TRIM9: variants seen among roughly 807,000 people sequenced by gnomAD.
TRIM9 encodes the protein E3 ubiquitin-protein ligase TRIM9.
TRIM9 carries 26 observed loss-of-function variants against 78.3 expected under a neutral mutation model. The ratio of observed to expected loss-of-function variants is 0.33; its 90% CI spans 0.24 to 0.46. TRIM9 has a LOEUF of 0.46. Ranked by LOEUF, TRIM9 falls within the 20% of genes least tolerant of loss-of-function variation. TRIM9 has a pLI of 1.00. For missense variants in TRIM9, 787 were observed against 1,036.4 expected, an observed-to-expected ratio of 0.76 and a Z score of 3.30; for synonymous variants, 398 against 416.5, an observed-to-expected ratio of 0.96 and a Z score of 0.54.
intron 1 of TRIM9, among the ~76,000 whole-genome samples, chr14:51,055,568 A>G (rs535620400): frequency 6.6e-6 from 1 of 152,360 alleles, no homozygotes; most frequent in Admixed American, 6.5e-5. Flanking sequence ...ATGGTTAGAG[A>G]GAAACAAGTT....
At chr14:51,068,923 T>C (rs2061977701) in intron 1 of TRIM9, among the ~76,000 whole-genome samples, 1 of 152,178 alleles carries the variant, frequency 6.6e-6, no homozygotes, top group Non-Finnish European at 1.5e-5. Context: ...TGGGATGGAA[T>C]GAGGTTGACA....
At chr14:50,996,722 T>G (rs1262469588) in intron 7 of TRIM9, 1 of 985,310 alleles carries the variant, frequency 1.0e-6, no homozygotes, top group Non-Finnish European at 1.2e-6. Flanking sequence ...CTCAAACTGA[T>G]AGGTCATCCC....
intron 4 of TRIM9, among the ~76,000 whole-genome samples, chr14:51,009,511 T>C (rs575425422): frequency 1.2e-4 from 18 of 152,362 alleles, no homozygotes; most frequent in African/African-American, 3.8e-4. Flanking sequence ...TCATGCTATT[T>C]ATGACAGATT....
At chr14:51,025,240 C>G (rs1277755840) in intron 2 of TRIM9, 25 bp downstream of exon 2, 1 of 1,609,022 alleles carries the variant, frequency 6.2e-7, no homozygotes, top group Admixed American at 1.7e-5. Context: ...GGCGGGTTTC[C>G]TTGCGTCCCA....
chr14:51,000,594 T>A, intron 6 of TRIM9, 89 bp downstream of exon 6: 1 of 1,548,672 alleles, frequency 6.5e-7, no homozygotes, highest in East Asian at 2.3e-5. Flanking sequence ...CCAGGAGAGA[T>A]GGGGAAGCCA....
rs368713100 is a variant in TRIM9, at chr14:51,059,753, G to A, written c.822+34365C>T. 3.8e-4 allele frequency among the ~76,000 whole-genome samples: 57 copies of A among 149,928 alleles called. No individual in the cohort carries two copies. In the East Asian group the frequency reaches 0.01, roughly 27 times the overall value. On this transcript the variant is annotated intron_variant, in intron 1 of 12. Coordinates refer to ENST00000684578, the MANE Select transcript of TRIM9 (RefSeq NM_001387360.1). ...GCAGAGGTTGCAGTGAGCCAAGATC[G>A]TGCCACTGCACTCCAGCCTGGGTGA...
At chr14:51,023,516 A>G (rs1271030647) in intron 2 of TRIM9, among the ~76,000 whole-genome samples, 1 of 152,254 alleles carries the variant, frequency 6.6e-6, no homozygotes, top group East Asian at 1.9e-4. Flanking sequence ...TGTGTGTAAC[A>G]GGGATCACCC....
chr14:50,988,477 C>G (rs2053022718), intron 7 of TRIM9: 1 of 152,166 alleles, frequency 6.6e-6, no homozygotes, highest in Non-Finnish European at 1.5e-5. Context: ...TCCTATCCTT[C>G]CATGTGGATC....
At position 50,981,914 on chromosome 14, in the gene TRIM9, A is replaced by G; in HGVS notation, c.2048T>C (p.Val683Ala). Residue 683 changes from valine to alanine, a missense_variant, in exon 11 of 13, where the codon GTG (valine) becomes GCG (alanine). Around this residue, in one of 3 missense-constraint regions of TRIM9, gnomAD observed 421 missense variants for 514.3 expected, o/e 0.82. Transcript: ENST00000684578. ...YDNHPDPAFGVARMDVMKDVM... is the reference protein window; with the variant it reads ...YDNHPDPAFGAARMDVMKDVM... ...ATCCTTCATCACGTCCATGCGAGCC[A>G]CACCAAAGGCAGGATCAGGGTGGTT... 1 of 1,614,160 alleles carries G rather than the reference A, an allele frequency of 6.2e-7. No homozygotes were observed. The highest frequency in any genetic ancestry group is 8.5e-7 in the Non-Finnish European group (1 of 1,180,038).
chr14:51,028,388 C>T (rs1045632547), intron 1 of TRIM9, among the ~76,000 whole-genome samples: 2 of 152,154 alleles, frequency 1.3e-5, no homozygotes, highest in Non-Finnish European at 2.9e-5. Context: ...TTTATATGCA[C>T]ATTGTTTTTA....
At chr14:51,082,115 G>C (rs985028789) in intron 1 of TRIM9, among the ~76,000 whole-genome samples, 5 of 152,158 alleles carry the variant, frequency 3.3e-5, no homozygotes, top group African/African-American at 1.2e-4. Flanking sequence ...ACAGTGACCA[G>C]CTCCCATCCT....
intron 8 of TRIM9, among the ~76,000 whole-genome samples, chr14:50,983,915 T>C (rs1031009449): frequency 6.6e-6 from 1 of 152,238 alleles, no homozygotes; most frequent in Non-Finnish European, 1.5e-5. Context: ...ATACATCTTA[T>C]TAATAATTAT....
In TRIM9 at chr14:51,095,084, C is replaced by T. The variant is rs1316388154; in HGVS notation, c.-145G>A. 1.1e-5 allele frequency: 6 copies of T among 532,800 alleles called. No homozygotes were observed. The Admixed American group carries it at 1.5e-4, about 14-fold the overall frequency. 33.0% of individuals were successfully genotyped at this position (532,800 alleles called of 1,614,324 possible). A position where few individuals can be genotyped will look rare whatever the true frequency, so the allele number is the denominator to read the frequency against. The stretch of plus-strand genomic sequence containing the variant: ...TTCCCGCGCAGCACTGGCACGGACA[C>T]CCAGAGAGGCGCTAGCTCTGTGAGC... On this transcript the variant is annotated 5_prime_UTR_variant, in exon 1 of 13. It adds an upstream start codon to the 5' untranslated region. Transcript: ENST00000684578.
At chr14:51,042,670 C>T (rs953193371) in intron 1 of TRIM9, among the ~76,000 whole-genome samples, 5 of 152,130 alleles carry the variant, frequency 3.3e-5, no homozygotes, top group East Asian at 3.8e-4. Context: ...CCATCCCTTA[C>T]GTTGAACATC....
chr14:51,094,630 G>A lies in TRIM9; in HGVS notation c.310C>T (p.Pro104Ser). Residue 104 changes from proline to serine, a missense_variant, in exon 1 of 13, where the codon CCG becomes TCG. This residue lies in a region of TRIM9 where 352 missense variants were observed against 472.3 expected (regional missense o/e 0.75). Transcript: ENST00000684578. ...TGGGTGGCCGGTGGCGGCATAGCCG[G>A]GGGAAACACGCGGACGCCGTTGGGG... ...KSPNGVRVFP[P>S]AMPPPATHLS... is the part of the protein sequence containing the mutation. 6.2e-7 allele frequency: 1 copy of A among 1,607,498 alleles called. No individual in the cohort carries two copies. The highest frequency in any genetic ancestry group is 8.5e-7 in the Non-Finnish European group (1 of 1,175,960).
At chr14:51,085,784 G>A (rs914598631) in intron 1 of TRIM9, among the ~76,000 whole-genome samples, 2 of 152,070 alleles carry the variant, frequency 1.3e-5, no homozygotes, top group African/African-American at 4.8e-5. Flanking sequence ...TTAGTTTATG[G>A]TTTTTATGTC....
intron 7 of TRIM9, among the ~76,000 whole-genome samples, chr14:50,989,266 T>C (rs986421843): frequency 6.6e-6 from 1 of 152,360 alleles, no homozygotes; most frequent in South Asian, 2.1e-4. Context: ...CACTCCCTGG[T>C]TTAGCCGAAT....
rs1234954023 is a variant in TRIM9 at position 50,996,901 on chromosome 14, G to A, written c.1603+1149C>T. The A allele has an allele frequency of 2.3e-5, 23 of 985,354 alleles. No individual in the cohort carries two copies. In the African/African-American group the frequency reaches 4.0e-4, roughly 17 times the overall value. The allele number at this position is 985,354 out of a possible 1,614,324, so 61.0% of individuals were successfully genotyped here. A position where few individuals can be genotyped will look rare whatever the true frequency, so the allele number is the denominator to read the frequency against. On this transcript the variant is annotated intron_variant, in intron 7 of 12. Coordinates refer to ENST00000684578, the MANE Select transcript of TRIM9 (RefSeq NM_001387360.1). ...CCAAAGCACTGTTTTCACGGCTAGG[G>A]GCCTTTCATCCTTGCTGTAGGATTC...
At chr14:51,046,521 A>G (rs1464395917) in intron 1 of TRIM9, among the ~76,000 whole-genome samples, 1 of 152,256 alleles carries the variant, frequency 6.6e-6, no homozygotes, top group African/African-American at 2.4e-5. Flanking sequence ...ATCTACAGTC[A>G]TCTGAATTCG....
Sources: allele counts gnomAD v4.1 joint callset (sites outside exome capture counted in the v4.1 genomes callset), GRCh38; gene constraint gnomAD v4.1.1; regional missense constraint gnomAD v4.1.1; transcripts MANE v1.5; gene names NCBI Gene and HGNC (gene_info 2026-07-23, HGNC 2026-07-21).